Variants in CHCHD3 observed in about 807,000 individuals in gnomAD.
The protein encoded by CHCHD3 is MICOS complex subunit MIC19.
In CHCHD3, 20 loss-of-function variants were observed where a neutral mutation model predicts 38.2. The ratio of observed to expected loss-of-function variants is 0.52; its 90% CI spans 0.37 to 0.76. The LOEUF is 0.76. CHCHD3 is among the 30% of genes least tolerant of loss of function. CHCHD3 has a pLI of 0.00. For missense variants in CHCHD3, 245 were observed against 279.2 expected (o/e 0.88, Z 0.87); for synonymous variants, 82 against 100.0 (o/e 0.82, Z 1.07).
At chr7:133,071,794 G>A (rs540130942) in intron 1 of CHCHD3, among the ~76,000 whole-genome samples, 21 of 152,240 alleles carry the variant, frequency 1.4e-4, no homozygotes, top group African/African-American at 4.6e-4. Context: ...TATGACATGT[G>A]CTACCGTACA....
At chr7:132,971,644 G>C (rs1013298047) in intron 4 of CHCHD3, among the ~76,000 whole-genome samples, 20 of 152,094 alleles carry the variant, frequency 1.3e-4, no homozygotes, top group African/African-American at 4.6e-4. Context: ...GGGGTAAGGG[G>C]TGGGAATCGT....
At chr7:132,837,938 A>C (rs6967294) in intron 6 of CHCHD3, among the ~76,000 whole-genome samples, 50,886 of 151,994 alleles carry the variant, frequency 0.33, 8,784 homozygotes, top group African/African-American at 0.42. Flanking sequence ...GGCCAGGTAA[A>C]GTCTATGATT....
intron 6 of CHCHD3, among the ~76,000 whole-genome samples, chr7:132,806,643 A>T (rs770805261): frequency 1.3e-5 from 2 of 152,172 alleles, no homozygotes; most frequent in Non-Finnish European, 2.9e-5. Flanking sequence ...GCAGCAAAAG[A>T]AGAGAGAAGA....
intron 2 of CHCHD3, among the ~76,000 whole-genome samples, chr7:133,044,535 T>G (rs1335217743): frequency 6.6e-6 from 1 of 152,158 alleles, no homozygotes; most frequent in Middle Eastern, 3.2e-3. Flanking sequence ...TAAAGGAAAA[T>G]AAAATACCAT....
chr7:132,808,401 A>G (rs1806985368), intron 6 of CHCHD3, among the ~76,000 whole-genome samples: 1 of 152,080 alleles, frequency 6.6e-6, no homozygotes, highest in African/African-American at 2.4e-5. Context: ...TTGTGAAAGT[A>G]TTTTCTTTCT....
At chr7:133,040,501 A>C (rs1431184274) in intron 2 of CHCHD3, among the ~76,000 whole-genome samples, 1 of 152,080 alleles carries the variant, frequency 6.6e-6, no homozygotes, top group Non-Finnish European at 1.5e-5. Flanking sequence ...GAATAAATAT[A>C]CTTAATGAAG....
At chr7:133,003,807 T>TA (rs919389277) in intron 3 of CHCHD3, among the ~76,000 whole-genome samples, 5 of 152,150 alleles carry the variant, frequency 3.3e-5, no homozygotes, top group Non-Finnish European at 7.4e-5. Context: ...ACACGGAGGA[T>TA]AAAAATACCT....
intron 4 of CHCHD3, among the ~76,000 whole-genome samples, chr7:132,951,509 T>G (rs1383464653): frequency 3.3e-5 from 5 of 152,178 alleles, no homozygotes; most frequent in African/African-American, 1.2e-4. Flanking sequence ...CTTTGGTCAG[T>G]GACAGACTGC....
intron 4 of CHCHD3, among the ~76,000 whole-genome samples, chr7:132,931,075 G>A (rs1810502835): frequency 6.6e-6 from 1 of 152,130 alleles, no homozygotes; most frequent in African/African-American, 2.4e-5. Context: ...CCACATAGAG[G>A]GCAGCACACT....
At chr7:133,019,127 C>A (rs867789090) in intron 3 of CHCHD3, among the ~76,000 whole-genome samples, 2 of 151,974 alleles carry the variant, frequency 1.3e-5, no homozygotes, top group African/African-American at 4.8e-5. Flanking sequence ...AGGTGATCTG[C>A]CCACCTCAGC....
intron 4 of CHCHD3, among the ~76,000 whole-genome samples, chr7:132,932,377 G>A (rs1358562048): frequency 6.6e-6 from 1 of 152,210 alleles, no homozygotes; most frequent in South Asian, 2.1e-4. Context: ...GAGGGACACA[G>A]AAAAGAATCA....
chr7:132,854,282 G>C (rs1808292252), intron 5 of CHCHD3, among the ~76,000 whole-genome samples: 1 of 152,138 alleles, frequency 6.6e-6, no homozygotes, highest in Non-Finnish European at 1.5e-5. Context: ...AATAGCTAAA[G>C]TAACTAATAG....
chr7:133,038,684 T>G (rs1016166196), intron 2 of CHCHD3, among the ~76,000 whole-genome samples: 1 of 152,212 alleles, frequency 6.6e-6, no homozygotes, highest in African/African-American at 2.4e-5. Flanking sequence ...ATATAAGGAA[T>G]GAAAGGTAAC....
chr7:133,081,979 C>T lies in CHCHD3; in HGVS notation c.-42G>A. Reference sequence around the variant, plus strand: ...CCAGCGGAGACCTAGCGGGGAACCACGAGCACTTCGGGGCCCCCGCACCCA... The same window carrying T: ...CCAGCGGAGACCTAGCGGGGAACCATGAGCACTTCGGGGCCCCCGCACCCA... On this transcript the variant is annotated 5_prime_UTR_variant, in exon 1 of 8. It adds an upstream start codon to the 5' untranslated region. Transcript: ENST00000262570. 1 of 1,497,954 alleles carries T rather than the reference C, an allele frequency of 6.7e-7. No homozygotes were observed. The highest frequency in any genetic ancestry group is 2.6e-5 in the East Asian group (1 of 39,188). 92.8% of individuals were successfully genotyped at this position (1,497,954 alleles called of 1,614,324 possible).
rs543515301 is a variant in CHCHD3 at position 133,020,524 on chromosome 7, G to A, written c.251+4022C>T. On this transcript the variant is annotated intron_variant, in intron 3 of 7. Transcript: ENST00000262570. ...AGTAAGACATTCAAGAAGTCATTCC[G>A]AGCTGACAAATTTTATGGTCTGAAG... Among the ~76,000 whole-genome samples, 4 of 152,264 alleles carry A rather than the reference G, an allele frequency of 2.6e-5. No individual in the cohort carries two copies. In the East Asian group the frequency reaches 7.7e-4, roughly 29 times the overall value.
chr7:132,809,290 T>G (rs2117048514), intron 6 of CHCHD3, among the ~76,000 whole-genome samples: 1 of 152,298 alleles, frequency 6.6e-6, no homozygotes. Flanking sequence ...ACTGAGATTG[T>G]TAGTTCCTGT....
At chr7:133,012,980 GT>G (rs1202715992) in intron 3 of CHCHD3, among the ~76,000 whole-genome samples, 1 of 151,812 alleles carries the variant, frequency 6.6e-6, no homozygotes, top group Non-Finnish European at 1.5e-5. Flanking sequence ...GGGGTCAGGA[GT>G]TTGAGACCAG....
intron 2 of CHCHD3, among the ~76,000 whole-genome samples, chr7:133,054,619 C>T (rs529218515): frequency 6.6e-6 from 1 of 152,110 alleles, no homozygotes; most frequent in African/African-American, 2.4e-5. Flanking sequence ...AAGTACCATG[C>T]AATGGTGTTT....
At chr7:132,898,648 G>A (rs566723251) in intron 4 of CHCHD3, among the ~76,000 whole-genome samples, 1 of 152,260 alleles carries the variant, frequency 6.6e-6, no homozygotes, top group African/African-American at 2.4e-5. Flanking sequence ...GGGCGCTGTG[G>A]AGCAGGGGGT....
Sources: gnomAD v4.1 joint callset for allele counts (sites outside exome capture counted in the v4.1 genomes callset) on GRCh38, gnomAD v4.1.1 for gene constraint, MANE v1.5 for transcripts, NCBI Gene and HGNC (gene_info 2026-07-23, HGNC 2026-07-21) for gene names.